FRMPD2: variants seen among roughly 807,000 people sequenced by gnomAD.
FRMPD2 encodes FERM and PDZ domain-containing protein 2.
FRMPD2 carries 96 observed loss-of-function variants against 140.1 expected under a neutral mutation model. The ratio of observed to expected loss-of-function variants is 0.69; its 90% CI spans 0.58 to 0.81. The LOEUF (loss-of-function observed/expected upper bound fraction) is 0.81, where lower values mean the gene tolerates loss of function less well. Ranked by LOEUF, FRMPD2 falls within the 40% of genes least tolerant of loss-of-function variation. The pLI is 0.00. For synonymous variants in FRMPD2, 449 were observed against 547.6 expected (o/e 0.82, Z 2.52); for missense variants, 1,240 against 1,447.4 (o/e 0.86, Z 2.32).
At chr10:48,224,199 C>T (rs1588840199) in intron 10 of FRMPD2, among the ~76,000 whole-genome samples, 1 of 152,100 alleles carries the variant, frequency 6.6e-6, no homozygotes, top group Non-Finnish European at 1.5e-5. Flanking sequence ...AAGGCCCCTC[C>T]CCCACCCCTC....
intron 17 of FRMPD2, 145 bp from the exon 18 acceptor site, chr10:48,185,790 TAATCTCCCAGCAGTGCTGGG>T: frequency 1.5e-6 from 1 of 655,768 alleles, no homozygotes; most frequent in Non-Finnish European, 2.8e-6. Flanking sequence ...AGCTCATATT[TAATCTCCCAGCAGTGCTGGG>T]AATGGACACC....
At chr10:48,216,695 C>T (rs1358623402) in intron 12 of FRMPD2, among the ~76,000 whole-genome samples, 1 of 152,190 alleles carries the variant, frequency 6.6e-6, no homozygotes, top group African/African-American at 2.4e-5. Flanking sequence ...TGCCATCTTT[C>T]ACCCTTACAG....
intron 2 of FRMPD2, 140 bp downstream of exon 2, chr10:48,251,426 A>G (rs982010872): frequency 1.5e-5 from 15 of 1,011,634 alleles, no homozygotes; most frequent in Non-Finnish European, 2.2e-5. Context: ...CCTCAGAGTA[A>G]TCACAGATCA....
rs1268705381 is a variant in FRMPD2, at chr10:48,206,900, C to T, written c.1645G>A (p.Val549Ile). ...TQQLPEYGVL[V>I]HQVFSEKRRP... ...CTCTTCTCTGAGAATACTTGGTGAACCAGCACACCGTATTCTGGGAGCTGC... is the reference window on the plus strand; with the variant it reads ...CTCTTCTCTGAGAATACTTGGTGAATCAGCACACCGTATTCTGGGAGCTGC... Residue 549 changes from valine to isoleucine, a missense_variant, in exon 14 of 29, where the codon GTT (valine) becomes ATT (isoleucine). Around this residue, in one of 6 missense-constraint regions of FRMPD2, gnomAD observed 1,161 missense variants for 1,055.9 expected, o/e 1.10. Coordinates refer to ENST00000374201, the MANE Select transcript of FRMPD2 (RefSeq NM_001018071.4). 4 of 1,613,968 alleles carry T rather than the reference C, an allele frequency of 2.5e-6. No individual in the cohort carries two copies. The East Asian group carries it at 6.7e-5, about 27-fold the overall frequency.
At chr10:48,182,327 T>C (rs1228309087) in intron 20 of FRMPD2, among the ~76,000 whole-genome samples, 1 of 152,124 alleles carries the variant, frequency 6.6e-6, no homozygotes, top group Non-Finnish European at 1.5e-5. Flanking sequence ...GGACTTACGA[T>C]TGAAATGAAA....
chr10:48,240,379 C>T lies in FRMPD2; in HGVS notation c.681G>A (p.Glu227=), dbSNP rs754901609. 1.4e-5 allele frequency: 23 copies of T among 1,612,620 alleles called. No individual in the cohort carries two copies. In the African/African-American group the frequency reaches 2.0e-4, roughly 14 times the overall value. The change falls in exon 6 of 29, where the codon GAG becomes GAA. Residue 227 remains glutamate, a synonymous_variant. Transcript: ENST00000374201. Reference sequence around the variant, plus strand: ...ACCCACCTCTGCAAGGATGCAGACACTCCGGGGCCTGTGCCGCTGGGCTCT... The same window carrying T: ...ACCCACCTCTGCAAGGATGCAGACATTCCGGGGCCTGTGCCGCTGGGCTCT... The part of the protein sequence containing the change: ...SSESPAAQAP[E]CLHPCRVSER...
chr10:48,270,618 C>T (rs1362382293), intron 1 of FRMPD2, among the ~76,000 whole-genome samples: 1 of 152,078 alleles, frequency 6.6e-6, no homozygotes, highest in Non-Finnish European at 1.5e-5. Flanking sequence ...AGCTCAGACC[C>T]GTTTCTTGAG....
chr10:48,265,825 A>G (rs1228357335), intron 1 of FRMPD2, among the ~76,000 whole-genome samples: 1 of 152,188 alleles, frequency 6.6e-6, no homozygotes, highest in African/African-American at 2.4e-5. Context: ...CAAAGAGCCA[A>G]AACCAAAACT....
At chr10:48,193,704 G>A (rs1290018577) in intron 15 of FRMPD2, among the ~76,000 whole-genome samples, 3 of 152,152 alleles carry the variant, frequency 2.0e-5, no homozygotes, top group Admixed American at 6.5e-5. Context: ...AGGAAAGAAC[G>A]GTCAGACACA....
chr10:48,249,837 C>T (rs11592012), intron 2 of FRMPD2, among the ~76,000 whole-genome samples: 4,624 of 151,382 alleles, frequency 0.031, 106 homozygotes, highest in Admixed American at 0.044. Context: ...GCAGCTTTCT[C>T]ATTAGAGGGC....
At position 48,232,175 on chromosome 10, in the gene FRMPD2, C is replaced by T. The variant is rs1377854599; in HGVS notation, c.1108G>A (p.Ala370Thr). Residue 370 changes from alanine to threonine, a missense_variant, in exon 10 of 29, where the codon GCC becomes ACC. Coordinates refer to ENST00000374201, the MANE Select transcript of FRMPD2 (RefSeq NM_001018071.4). ...VESTVGAVFN[A>T]VTSFANLEEL... Reference sequence around the variant, plus strand: ...TCGAGGTTGGCAAAGGATGTCACGGCATTGAAGACAGCTCCCACTGTTGAT... The same window carrying T: ...TCGAGGTTGGCAAAGGATGTCACGGTATTGAAGACAGCTCCCACTGTTGAT... 1.2e-6 allele frequency: 2 copies of T among 1,614,102 alleles called. No homozygotes were observed. Among genetic ancestry groups the T allele is most frequent in the African/African-American group, 2.7e-5 (2 of 74,932 alleles).
At chr10:48,190,756 C>T (rs1051519715) in intron 16 of FRMPD2, among the ~76,000 whole-genome samples, 2 of 152,152 alleles carry the variant, frequency 1.3e-5, no homozygotes, top group Admixed American at 6.5e-5. Flanking sequence ...CCGAATATTA[C>T]GGAGGGCGCC....
chr10:48,232,500 G>A (rs751547894), intron 9 of FRMPD2, among the ~76,000 whole-genome samples: 42 of 152,324 alleles, frequency 2.8e-4, no homozygotes, highest in Non-Finnish European at 5.0e-4. Context: ...AGTTTGTAAG[G>A]CAGGAACTGG....
Position 48,184,754 on chromosome 10 carries a change from A to C in FRMPD2, c.2467+20T>G, listed in dbSNP as rs1838637264. Reference sequence around the variant, plus strand: ...AGTGGTTTCTTAAAACAGCATCTCTAGTAATTTAAAAAGATGTACCTGGTT... The same window carrying C: ...AGTGGTTTCTTAAAACAGCATCTCTCGTAATTTAAAAAGATGTACCTGGTT... On this transcript the variant is annotated intron_variant, in intron 19 of 28. Coordinates refer to ENST00000374201, the MANE Select transcript of FRMPD2 (RefSeq NM_001018071.4). The C allele has an allele frequency of 1.3e-6, 2 of 1,597,660 alleles. No individual in the cohort carries two copies. Among genetic ancestry groups the C allele is most frequent in the African/African-American group, 1.3e-5 (1 of 74,496 alleles).
chr10:48,266,648 A>T (rs968133775), intron 1 of FRMPD2, among the ~76,000 whole-genome samples: 20 of 152,254 alleles, frequency 1.3e-4, no homozygotes, highest in African/African-American at 4.8e-4. Flanking sequence ...CATTACACTC[A>T]TCCAGCTACA....
chr10:48,221,248 C>T (rs534026764), intron 12 of FRMPD2, among the ~76,000 whole-genome samples: 2 of 152,296 alleles, frequency 1.3e-5, no homozygotes, highest in South Asian at 2.1e-4. Flanking sequence ...TCTTTATCCA[C>T]TCATTCCATA....
intron 1 of FRMPD2, among the ~76,000 whole-genome samples, chr10:48,266,742 C>T (rs1244533724): frequency 6.6e-6 from 1 of 152,242 alleles, no homozygotes. Context: ...CTAGTGGTGA[C>T]TTGCGTCACA....
chr10:48,261,293 G>C (rs990701423), intron 1 of FRMPD2, among the ~76,000 whole-genome samples: 1 of 151,616 alleles, frequency 6.6e-6, no homozygotes, highest in African/African-American at 2.4e-5. Context: ...TAGGAAGCTT[G>C]GAAAGCATCA....
In FRMPD2 at chr10:48,266,536, A is replaced by G. The variant is rs1840681157; in HGVS notation, c.25+8007T>C. On this transcript the variant is annotated intron_variant, in intron 1 of 28. Transcript: ENST00000374201. ...CAAAATAGAGTCAAAAAATAGACCA[A>G]TACATATACATTTAACTGATCTTTG... 3.3e-5 allele frequency among the ~76,000 whole-genome samples: 5 copies of G among 152,380 alleles called. 1 individual carries two copies. In the South Asian group the frequency reaches 1.0e-3, roughly 32 times the overall value.
Sources: allele counts gnomAD v4.1 joint callset (sites outside exome capture counted in the v4.1 genomes callset), GRCh38; gene constraint gnomAD v4.1.1; regional missense constraint gnomAD v4.1.1; transcripts MANE v1.5; gene names NCBI Gene and HGNC (gene_info 2026-07-23, HGNC 2026-07-21).